Variants in DNM2 observed in about 807,000 individuals in gnomAD.
DNM2 encodes dynamin-2.
In DNM2, 15 loss-of-function variants were observed where a neutral mutation model predicts 99.0. The ratio of observed to expected loss-of-function variants is 0.15; its 90% CI spans 0.10 to 0.23. The LOEUF is 0.23. Ranked by LOEUF, DNM2 falls within the 10% of genes least tolerant of loss-of-function variation. The probability of loss-of-function intolerance (pLI) is 1.00; values close to 1 mark genes in which losing one functional copy is unlikely to be tolerated. For missense variants in DNM2, 742 were observed against 1,189.4 expected (o/e 0.62, Z 5.53); for synonymous variants, 525 against 481.2 (o/e 1.09, Z -1.19).
rs370679419 is a variant in DNM2 at position 10,787,062 on chromosome 19, G to T, written c.992+356G>T. ...AGGTGAGCATTGGCCGGCCAGGAGC[G>T]GTGGTTCACGTCTGTAATCCCAGCA... On this transcript the variant is annotated intron_variant, in intron 7 of 20. Coordinates refer to ENST00000389253, the MANE Select transcript of DNM2 (RefSeq NM_001005361.3). 7.2e-5 allele frequency among the ~76,000 whole-genome samples: 11 copies of T among 152,292 alleles called. No individual in the cohort carries two copies. The East Asian group carries it at 2.1e-3, about 29-fold the overall frequency.
chr19:10,745,360 A>G (rs1175255502), intron 1 of DNM2, among the ~76,000 whole-genome samples: 1 of 152,142 alleles, frequency 6.6e-6, no homozygotes, highest in Non-Finnish European at 1.5e-5. Flanking sequence ...CACTGCATTA[A>G]TATGTTTCTG....
chr19:10,792,535 G>A (rs1263122589), intron 7 of DNM2, among the ~76,000 whole-genome samples: 1 of 152,172 alleles, frequency 6.6e-6, no homozygotes, highest in African/African-American at 2.4e-5. Context: ...CCGTTCTAAG[G>A]GGCGACACAT....
chr19:10,726,914 G>A lies in DNM2; in HGVS notation c.161+8511G>A, dbSNP rs547856278. The stretch of plus-strand genomic sequence containing the variant: ...TGATAGGGGATTTGGCCAGATAAGC[G>A]TGTCCAGACAACCGACTATCAACTC... On this transcript the variant is annotated intron_variant, in intron 1 of 20. Transcript: ENST00000389253. 3.3e-5 allele frequency among the ~76,000 whole-genome samples: 5 copies of A among 152,232 alleles called. No individual in the cohort carries two copies. The South Asian group carries it at 8.3e-4, about 25-fold the overall frequency.
intron 1 of DNM2, among the ~76,000 whole-genome samples, chr19:10,744,337 C>T (rs974345151): frequency 3.9e-5 from 6 of 152,036 alleles, no homozygotes; most frequent in African/African-American, 7.3e-5. Flanking sequence ...CAGGATCTGC[C>T]GAGAGATACG....
chr19:10,731,570 T>TCTCGAACTCCTGGC (rs1327757966), intron 1 of DNM2, among the ~76,000 whole-genome samples: 1 of 152,098 alleles, frequency 6.6e-6, no homozygotes, highest in East Asian at 1.9e-4. Context: ...GCCAGGCTGG[T>TCTCGAACTCCTGGC]CTCGAACTCC....
In DNM2 at chr19:10,800,602, G is replaced by A. The variant is rs978584321; in HGVS notation, c.1423-1686G>A. On this transcript the variant is annotated intron_variant, in intron 11 of 20. Transcript: ENST00000389253. Reference sequence around the variant, plus strand: ...AGCACCCTGGCATTTTCCAGCAGGCGACAGGTCCGAGTGCCTTGCCCTACT... The same window carrying A: ...AGCACCCTGGCATTTTCCAGCAGGCAACAGGTCCGAGTGCCTTGCCCTACT... Among the ~76,000 whole-genome samples the A allele has an allele frequency of 3.9e-5, 6 of 152,244 alleles. No homozygotes were observed. The South Asian group carries it at 6.2e-4, about 16-fold the overall frequency.
intron 18 of DNM2, among the ~76,000 whole-genome samples, chr19:10,827,662 G>C (rs1424038727): frequency 6.6e-6 from 1 of 151,206 alleles, no homozygotes; most frequent in African/African-American, 2.4e-5. Context: ...ACGAGGTCAA[G>C]AGACTGAGAC....
In DNM2 at chr19:10,775,720, A is replaced by C; in HGVS notation, c.403A>C (p.Ile135Leu). Residue 135 changes from isoleucine to leucine, a missense_variant, in exon 4 of 21, where the codon ATC (isoleucine) becomes CTC (leucine). By Grantham distance (5) the Ile-to-Leu change is conservative. This residue lies in a region of DNM2 where 192 missense variants were observed against 358.9 expected (regional missense o/e 0.54). Coordinates refer to ENST00000389253, the MANE Select transcript of DNM2 (RefSeq NM_001005361.3). The surrounding 1 kb of genome is among the most constrained non-coding windows in gnomAD (Gnocchi z 4.3). ...CCTCCCAGTGTTGAACTTGACCCTCATCGACCTCCCGGGTATCACCAAGGT... is the reference window on the plus strand; with the variant it reads ...CCTCCCAGTGTTGAACTTGACCCTCCTCGACCTCCCGGGTATCACCAAGGT... Reference protein sequence around the residue: ...YSPHVLNLTLIDLPGITKVPV... With the variant: ...YSPHVLNLTLLDLPGITKVPV... 1 of 1,613,988 alleles carries C rather than the reference A, an allele frequency of 6.2e-7. No individual in the cohort carries two copies. Among genetic ancestry groups the C allele is most frequent in the Non-Finnish European group, 8.5e-7 (1 of 1,180,002 alleles).
intron 1 of DNM2, among the ~76,000 whole-genome samples, chr19:10,753,944 A>G (rs2070293661): frequency 6.6e-6 from 1 of 152,218 alleles, no homozygotes; most frequent in African/African-American, 2.4e-5. Flanking sequence ...GGCGTGAGCC[A>G]TTATGCCCAG....
chr19:10,727,070 G>A (rs553387132), intron 1 of DNM2, among the ~76,000 whole-genome samples: 9 of 152,252 alleles, frequency 5.9e-5, no homozygotes, highest in African/African-American at 1.7e-4. Context: ...TGAAAAGACC[G>A]GAAAGACATA....
At chr19:10,761,442 C>T (rs2070630378) in intron 2 of DNM2, among the ~76,000 whole-genome samples, 1 of 152,012 alleles carries the variant, frequency 6.6e-6, no homozygotes, top group Admixed American at 6.6e-5. Flanking sequence ...GGCGTATATC[C>T]CAGCTGGAAA....
intron 7 of DNM2, 177 bp downstream of exon 7, chr19:10,786,883 G>C: frequency 7.4e-7 from 1 of 1,355,288 alleles, no homozygotes; most frequent in Non-Finnish European, 1.0e-6. Flanking sequence ...CCCAGTGGAG[G>C]GGACAGGTGT....
At chr19:10,729,418 T>C (rs902665148) in intron 1 of DNM2, among the ~76,000 whole-genome samples, 1 of 151,910 alleles carries the variant, frequency 6.6e-6, no homozygotes, top group Non-Finnish European at 1.5e-5. Context: ...TGTACTGCAT[T>C]GGGTGGGGGA....
At chr19:10,744,864 A>G (rs2069904992) in intron 1 of DNM2, among the ~76,000 whole-genome samples, 1 of 151,950 alleles carries the variant, frequency 6.6e-6, no homozygotes, top group Admixed American at 6.6e-5. Context: ...GACACCGAGG[A>G]CACCCCTAGG....
Position 10,784,667 on chromosome 19 carries a change from C to T in DNM2, c.849+1547C>T, listed in dbSNP as rs1008194605. Reference sequence around the variant, plus strand: ...TGCCTTTCTAGGCAGCCCACATAGACGGGGGTCGATGGCCAGGGCTGCAGG... The same window carrying T: ...TGCCTTTCTAGGCAGCCCACATAGATGGGGGTCGATGGCCAGGGCTGCAGG... On this transcript the variant is annotated intron_variant, in intron 6 of 20. Coordinates refer to ENST00000389253, the MANE Select transcript of DNM2 (RefSeq NM_001005361.3). Among the ~76,000 whole-genome samples the T allele has an allele frequency of 1.4e-4, 22 of 152,256 alleles. 1 individual carries two copies. Among genetic ancestry groups the T allele is most frequent in the Admixed American group, 2.0e-4 (3 of 15,292 alleles).
At chr19:10,814,229 C>T (rs1378369942) in intron 15 of DNM2, among the ~76,000 whole-genome samples, 1 of 152,080 alleles carries the variant, frequency 6.6e-6, no homozygotes, top group Admixed American at 6.5e-5. Flanking sequence ...CTTTGGGAGG[C>T]CAAGGCAGAC....
At chr19:10,752,197 A>T (rs1317990085) in intron 1 of DNM2, among the ~76,000 whole-genome samples, 1 of 152,198 alleles carries the variant, frequency 6.6e-6, no homozygotes, top group Non-Finnish European at 1.5e-5. Flanking sequence ...GTGCCTGGGC[A>T]TCTAACAAAG....
intron 7 of DNM2, among the ~76,000 whole-genome samples, chr19:10,788,336 C>T (rs1205779228): frequency 6.6e-6 from 1 of 152,034 alleles, no homozygotes; most frequent in African/African-American, 2.4e-5. Flanking sequence ...TGCAAAGGCC[C>T]TGGGGCAGGA....
At chr19:10,785,730 C>G (rs762258487) in intron 6 of DNM2, among the ~76,000 whole-genome samples, 3 of 152,324 alleles carry the variant, frequency 2.0e-5, no homozygotes, top group Non-Finnish European at 2.9e-5. Flanking sequence ...AGCCACTGCA[C>G]CCAGCTTTCT....
Sources: allele counts gnomAD v4.1 joint callset (sites outside exome capture counted in the v4.1 genomes callset), GRCh38; gene constraint gnomAD v4.1.1; regional missense constraint gnomAD v4.1.1; non-coding constraint Gnocchi (gnomAD v3.1); transcripts MANE v1.5; gene names NCBI Gene and HGNC (gene_info 2026-07-23, HGNC 2026-07-21).